AK8: variants seen among roughly 807,000 people sequenced by gnomAD.
AK8 encodes the protein ATP-AMP transphosphorylase 8.
In AK8, 44 loss-of-function variants were observed where a neutral mutation model predicts 54.6. That is an observed-to-expected ratio of 0.81 (90% CI 0.63 to 1.04). The LOEUF is 1.04. Among genes scored for constraint, AK8 ranks in the 50% least tolerant of loss-of-function variants. The pLI is 0.00. For missense variants in AK8, 555 were observed against 613.6 expected, an observed-to-expected ratio of 0.90 and a Z score of 1.01; for synonymous variants, 239 against 245.6, an observed-to-expected ratio of 0.97 and a Z score of 0.25.
At chr9:132,777,439 C>T (rs371789419) in intron 11 of AK8, among the ~76,000 whole-genome samples, 1 of 152,166 alleles carries the variant, frequency 6.6e-6, no homozygotes, top group East Asian at 1.9e-4. Flanking sequence ...GCTGCTTGGA[C>T]TCCACACCGG....
chr9:132,875,941 C>T (rs1844077176), intron 1 of AK8, among the ~76,000 whole-genome samples: 1 of 152,248 alleles, frequency 6.6e-6, no homozygotes, highest in Non-Finnish European at 1.5e-5. Context: ...CTGGCCATTT[C>T]ATCCAATCAG....
chr9:132,875,391 G>A (rs776025351), intron 1 of AK8, among the ~76,000 whole-genome samples, 192 bp from the exon 2 acceptor site: 1 of 152,184 alleles, frequency 6.6e-6, no homozygotes, highest in Non-Finnish European at 1.5e-5. Context: ...GCCACGTGGT[G>A]CTGCTGCGGA....
intron 10 of AK8, among the ~76,000 whole-genome samples, chr9:132,801,509 C>T (rs868398997): frequency 2.6e-5 from 4 of 152,172 alleles, no homozygotes; most frequent in South Asian, 4.1e-4. Flanking sequence ...ACTAAGTGTA[C>T]ACTGCAGATC....
intron 5 of AK8, among the ~76,000 whole-genome samples, chr9:132,854,248 A>T (rs1843088542): frequency 6.6e-6 from 1 of 152,228 alleles, no homozygotes; most frequent in African/African-American, 2.4e-5. Context: ...TAAAATAAAA[A>T]GAGAAAAGTA....
At chr9:132,740,908 C>A (rs903693349) in intron 11 of AK8, among the ~76,000 whole-genome samples, 4 of 152,194 alleles carry the variant, frequency 2.6e-5, no homozygotes, top group South Asian at 4.1e-4. Context: ...GTCCAGAAGA[C>A]TTCTTTGAGG....
chr9:132,742,140 T>A (rs1837418861), intron 11 of AK8, among the ~76,000 whole-genome samples: 1 of 152,052 alleles, frequency 6.6e-6, no homozygotes. Flanking sequence ...CACATTTTGT[T>A]TATGCATCCA....
At chr9:132,831,190 T>C (rs1282229155) in intron 5 of AK8, among the ~76,000 whole-genome samples, 2 of 152,084 alleles carry the variant, frequency 1.3e-5, no homozygotes, top group Non-Finnish European at 2.9e-5. Context: ...ACGCTCTCCC[T>C]TCTTTTTTTT....
intron 10 of AK8, among the ~76,000 whole-genome samples, chr9:132,797,219 C>T (rs1017892378): frequency 6.6e-6 from 1 of 152,074 alleles, no homozygotes. Flanking sequence ...GCAGGGATCC[C>T]CCCAGTAGGG....
intron 10 of AK8, among the ~76,000 whole-genome samples, chr9:132,812,554 C>CGCCGCGCCCACTGGGATGACGGGTGAGCG: frequency 7.1e-6 from 1 of 140,886 alleles, no homozygotes; most frequent in Admixed American, 7.0e-5. Flanking sequence ...ACGGGTGAGC[C>CGCCGCGCCCACTGGGATGACGGGTGAGCG]GCCGCGCCCG....
chr9:132,814,548 T>C, intron 10 of AK8, 90 bp downstream of exon 10: 10 of 1,295,872 alleles, frequency 7.7e-6, no homozygotes, highest in Non-Finnish European at 1.1e-5. Flanking sequence ...CTCCCCAATT[T>C]TGAGCCCCTG....
Position 132,826,808 on chromosome 9 carries a change from C to A in AK8, c.757+46G>T. On this transcript the variant is annotated intron_variant, in intron 8 of 12. Coordinates refer to ENST00000298545, the MANE Select transcript of AK8 (RefSeq NM_152572.3). This position sits in a 1 kb window ranked among gnomAD's most constrained non-coding sequence, Gnocchi z 4.5. ...AAGTGGTAGAAGGCACAGCGAGCCCCGCCCTTGGCCGTCTGTCCAGGGTGG... is the reference window on the plus strand; with the variant it reads ...AAGTGGTAGAAGGCACAGCGAGCCCAGCCCTTGGCCGTCTGTCCAGGGTGG... 1.3e-6 allele frequency: 2 copies of A among 1,593,602 alleles called. No individual in the cohort carries two copies. The highest frequency in any genetic ancestry group is 4.5e-5 in the East Asian group (2 of 44,778).
intron 11 of AK8, among the ~76,000 whole-genome samples, chr9:132,729,748 G>C (rs1383304945): frequency 6.6e-6 from 1 of 152,022 alleles, no homozygotes; most frequent in East Asian, 1.9e-4. Context: ...TTTCCACTGG[G>C]GCCAAAGTTG....
chr9:132,870,724 CTG>C (rs1273296653), intron 2 of AK8, among the ~76,000 whole-genome samples: 5 of 152,222 alleles, frequency 3.3e-5, no homozygotes, highest in Non-Finnish European at 5.9e-5. Context: ...AGCCATGTCA[CTG>C]TGTGTGGCAG....
chr9:132,763,812 G>T lies in AK8; in HGVS notation c.1121+28822C>A, dbSNP rs535651684. ...AATTAAAGTCTGCTGAATTTAATTT[G>T]TCTAAAGTTTTTCTTTTAACAATCC... On this transcript the variant is annotated intron_variant, in intron 11 of 12. Transcript: ENST00000298545. 2.6e-5 allele frequency among the ~76,000 whole-genome samples: 4 copies of T among 152,294 alleles called. No individual in the cohort carries two copies. The South Asian group carries it at 8.3e-4, about 32-fold the overall frequency.
intron 10 of AK8, among the ~76,000 whole-genome samples, chr9:132,794,262 T>C (rs1840060772): frequency 6.6e-6 from 1 of 152,230 alleles, no homozygotes; most frequent in South Asian, 2.1e-4. Flanking sequence ...TCCCTTCCCC[T>C]GCTTCAAACC....
intron 7 of AK8, 156 bp from the exon 8 acceptor site, chr9:132,827,210 C>A: frequency 1.5e-6 from 1 of 679,066 alleles, no homozygotes. Context: ...AACACCAGCA[C>A]TTCCAGCTAC....
intron 5 of AK8, among the ~76,000 whole-genome samples, chr9:132,852,792 A>AAAAAG (rs1843018699): frequency 6.7e-6 from 1 of 149,680 alleles, no homozygotes; most frequent in African/African-American, 2.4e-5. Context: ...AAAAAAAAAA[A>AAAAAG]AAAGAAAGAA....
intron 11 of AK8, among the ~76,000 whole-genome samples, chr9:132,750,842 C>A (rs1432847608): frequency 6.6e-6 from 1 of 151,904 alleles, no homozygotes; most frequent in African/African-American, 2.4e-5. Flanking sequence ...TCGGAAGAAA[C>A]CTCGATTTGT....
At chr9:132,749,266 C>T (rs1319493391) in intron 11 of AK8, among the ~76,000 whole-genome samples, 1 of 151,950 alleles carries the variant, frequency 6.6e-6, no homozygotes, top group Non-Finnish European at 1.5e-5. Context: ...ACCACCATCC[C>T]CTATTTGATA....
Sources: allele counts gnomAD v4.1 joint callset (sites outside exome capture counted in the v4.1 genomes callset), GRCh38; gene constraint gnomAD v4.1.1; non-coding constraint Gnocchi (gnomAD v3.1); transcripts MANE v1.5; gene names NCBI Gene and HGNC (gene_info 2026-07-23, HGNC 2026-07-21).